Variants in TMLHE observed in about 807,000 individuals in gnomAD.
The protein encoded by TMLHE is trimethyllysine dioxygenase, mitochondrial.
A neutral mutation model predicts 25.7 loss-of-function variants in TMLHE; 18 were observed. The ratio of observed to expected loss-of-function variants is 0.70; its 90% confidence interval spans 0.48 to 1.04. The LOEUF (loss-of-function observed/expected upper bound fraction) is 1.04. Among genes scored for constraint, TMLHE ranks in the 50% least tolerant of loss-of-function variants. The probability of loss-of-function intolerance (pLI) is 0.00; values close to 1 mark genes in which losing one functional copy is unlikely to be tolerated. For synonymous variants in TMLHE, 105 were observed against 97.0 expected, an observed-to-expected ratio of 1.08 and a Z score of -0.49; for missense variants, 236 against 259.0, an observed-to-expected ratio of 0.91 and a Z score of 0.61.
At chrX:155,528,349 G>A (rs1433266226) in intron 2 of TMLHE, among the ~76,000 whole-genome samples, 1 of 108,657 alleles carries the variant, frequency 9.2e-6, no homozygotes, top group Non-Finnish European at 1.9e-5. Flanking sequence ...TTTTATGTCA[G>A]TAGCTTCTGG....
At chrX:155,586,245 C>T (rs1361482817) in intron 1 of TMLHE, among the ~76,000 whole-genome samples, 1 of 105,886 alleles carries the variant, frequency 9.4e-6, no homozygotes, top group Non-Finnish European at 1.9e-5. Context: ...AAAAAAAATC[C>T]ATGGTTATTA....
chrX:155,597,890 T>C (rs1182226113), intron 1 of TMLHE, among the ~76,000 whole-genome samples: 3 of 103,912 alleles, frequency 2.9e-5, no homozygotes, highest in Non-Finnish European at 2.0e-5. Flanking sequence ...AAAATCCTTT[T>C]CAAAAAAAAA....
chrX:155,589,459 C>CA (rs1309837015), intron 1 of TMLHE, among the ~76,000 whole-genome samples: 3 of 110,884 alleles, frequency 2.7e-5, no homozygotes, highest in African/African-American at 9.8e-5. Flanking sequence ...AACAAACAAA[C>CA]AAAAAAACAA....
At chrX:155,596,055 G>A (rs1043049185) in intron 1 of TMLHE, among the ~76,000 whole-genome samples, 1 of 112,068 alleles carries the variant, frequency 8.9e-6, no homozygotes, top group Admixed American at 9.5e-5. Flanking sequence ...ACATTTATTA[G>A]TAAGGAAGAG....
intron 1 of TMLHE, among the ~76,000 whole-genome samples, chrX:155,561,089 G>T (rs1277370944): frequency 1.6e-5 from 1 of 61,468 alleles, no homozygotes; most frequent in African/African-American, 3.6e-5. Flanking sequence ...AAAACGACAG[G>T]ATTTGCTGAT....
At chrX:155,607,104 C>T (rs1408025320) in intron 1 of TMLHE, among the ~76,000 whole-genome samples, 2 of 111,432 alleles carry the variant, frequency 1.8e-5, no homozygotes, top group African/African-American at 6.5e-5. Flanking sequence ...GGACTCCTCC[C>T]TAACTCCTTC....
intron 1 of TMLHE, among the ~76,000 whole-genome samples, chrX:155,592,167 TA>T (rs782701993): frequency 8.9e-6 from 1 of 111,770 alleles, no homozygotes; most frequent in South Asian, 3.8e-4. Flanking sequence ...AAGCAGAGAA[TA>T]AACTGGTGCT....
In TMLHE at chrX:155,567,950, G is replaced by C. The variant is rs782176104; in HGVS notation, c.-1-22673C>G. Among the ~76,000 whole-genome samples the C allele has an allele frequency of 3.2e-5, 2 of 61,682 alleles. 1 individual carries two copies. Among genetic ancestry groups the C allele is most frequent in the Non-Finnish European group, 9.1e-5 (2 of 22,044 alleles). 53.6% of individuals were successfully genotyped at this position (61,682 alleles called of 115,157 possible). A position where few individuals can be genotyped will look rare whatever the true frequency, so the allele number is the denominator to read the frequency against. On this transcript the variant is annotated intron_variant, in intron 1 of 7. Transcript: ENST00000334398. ...TTCTCCATTTCCATCTGAGGTACTG[G>C]GTTCATCTCATTAGGGAGTGCCAGA...
intron 1 of TMLHE, among the ~76,000 whole-genome samples, chrX:155,600,403 G>C (rs1298498665): frequency 9.0e-6 from 1 of 111,611 alleles, no homozygotes; most frequent in East Asian, 2.8e-4. Flanking sequence ...TATGTGTATA[G>C]GTAGGTTATG....
chrX:155,512,261 C>T (rs1184999855), intron 4 of TMLHE, among the ~76,000 whole-genome samples: 33 of 108,202 alleles, frequency 3.0e-4, no homozygotes, highest in Non-Finnish European at 5.7e-4. Context: ...TGGTGCGCTG[C>T]ACCCACTAAC....
chrX:155,601,833 G>T (rs1291695977), intron 1 of TMLHE, among the ~76,000 whole-genome samples: 1 of 105,987 alleles, frequency 9.4e-6, no homozygotes, highest in Non-Finnish European at 2.0e-5. Flanking sequence ...AAGAATAAAA[G>T]AATGAAAAAA....
At chrX:155,608,395 T>C (rs1291128104) in intron 1 of TMLHE, among the ~76,000 whole-genome samples, 1 of 111,440 alleles carries the variant, frequency 9.0e-6, no homozygotes, top group East Asian at 2.8e-4. Flanking sequence ...TTACACCATA[T>C]ACAAAAATCA....
intron 2 of TMLHE, among the ~76,000 whole-genome samples, chrX:155,530,486 AT>A (rs1198820692): frequency 8.9e-6 from 1 of 111,737 alleles, no homozygotes; most frequent in East Asian, 2.8e-4. Context: ...TGTCTGTTAT[AT>A]AACAACATGA....
intron 3 of TMLHE, among the ~76,000 whole-genome samples, chrX:155,515,928 GA>G (rs1420804149): frequency 9.3e-6 from 1 of 107,202 alleles, no homozygotes; most frequent in Non-Finnish European, 1.9e-5. Context: ...GCTCTTTATA[GA>G]AAATGTTTGC....
chrX:155,590,195 GTTTCC>G (rs1251093693), intron 1 of TMLHE, among the ~76,000 whole-genome samples: 4 of 112,089 alleles, frequency 3.6e-5, no homozygotes, highest in Admixed American at 2.8e-4. Flanking sequence ...ATGTACTTCT[GTTTCC>G]TTTGCTTAAC....
chrX:155,548,508 G>GTGA (rs2067375048), intron 1 of TMLHE, among the ~76,000 whole-genome samples: 1 of 108,089 alleles, frequency 9.3e-6, no homozygotes, highest in Non-Finnish European at 1.9e-5. Context: ...GGTCAAGGCG[G>GTGA]GCGGATCACA....
intron 1 of TMLHE, among the ~76,000 whole-genome samples, chrX:155,598,645 A>T (rs782751686): frequency 1.4e-4 from 15 of 109,969 alleles, no homozygotes; most frequent in African/African-American, 5.0e-4. Flanking sequence ...TGGCACATGT[A>T]TACATATGTA....
chrX:155,514,102 G>A lies in TMLHE; in HGVS notation c.522C>T (p.Asn174=), dbSNP rs782410779. 64 of 1,209,232 alleles carry A rather than the reference G, an allele frequency of 5.3e-5. No homozygotes were observed. The highest frequency in any genetic ancestry group is 3.3e-4 in the East Asian group (11 of 33,725). ...SVDCQSFLET[N]EGLKKFLQNF... ...TTTGCAGAAACTTCTTCAGTCCCTC[G>A]TTGGTTTCTAAGAAGCTCTGGCAAT... Residue 174 remains asparagine, a synonymous_variant, in exon 4 of 8, where the codon AAC becomes AAT. Coordinates refer to ENST00000334398, the MANE Select transcript of TMLHE (RefSeq NM_018196.4).
chrX:155,500,193 A>G (rs1603007419), intron 6 of TMLHE, among the ~76,000 whole-genome samples: 1 of 61,053 alleles, frequency 1.6e-5, no homozygotes, highest in Non-Finnish European at 3.6e-5. Flanking sequence ...TGAACAGGCA[A>G]CCTACAGAAT....
Sources: gnomAD v4.1 joint callset for allele counts (sites outside exome capture counted in the v4.1 genomes callset) on GRCh38, gnomAD v4.1.1 for gene constraint, MANE v1.5 for transcripts, NCBI Gene and HGNC (gene_info 2026-07-23, HGNC 2026-07-21) for gene names.